UTRN: variants seen among roughly 807,000 people sequenced by gnomAD.
The protein encoded by UTRN is dystrophin-related protein 1.
Under a neutral mutation model 463.9 loss-of-function variants are expected in UTRN, and 283 were observed. The observed-to-expected ratio is 0.61, with a 90% CI of 0.55 to 0.67. UTRN has a LOEUF of 0.67. Ranked by LOEUF, UTRN falls within the 30% of genes least tolerant of loss-of-function variation. The pLI, the probability that UTRN is intolerant of heterozygous loss-of-function variation, is 0.00. For synonymous variants in UTRN, 1,442 were observed against 1,431.5 expected (o/e 1.01, Z -0.17); for missense variants, 3,922 against 4,084.3 (o/e 0.96, Z 1.08).
intron 65 of UTRN, among the ~76,000 whole-genome samples, chr6:144,816,725 C>T (rs1185553127): frequency 1.7e-5 from 2 of 121,210 alleles, no homozygotes; most frequent in African/African-American, 6.7e-5. Context: ...TCATGCCTAG[C>T]TTTTTTCCTT....
intron 3 of UTRN, among the ~76,000 whole-genome samples, chr6:144,408,296 C>A (rs986502601): frequency 6.6e-6 from 1 of 152,204 alleles, no homozygotes; most frequent in Non-Finnish European, 1.5e-5. Flanking sequence ...AATTTCAGAG[C>A]CTCTGGCTTG....
chr6:144,812,156 C>A (rs545529213), intron 65 of UTRN, among the ~76,000 whole-genome samples: 8 of 152,110 alleles, frequency 5.3e-5, no homozygotes, highest in African/African-American at 1.7e-4. Context: ...TGTTTTGTTT[C>A]TTTATTTGTG....
rs117840783 is a variant in UTRN at position 144,524,084 on chromosome 6, A to T, written c.5906+896A>T. Among the ~76,000 whole-genome samples the T allele has an allele frequency of 8.6e-3, 1,315 of 152,356 alleles. 12 individuals are homozygous for T. The highest frequency in any genetic ancestry group is 0.029 in the South Asian group (138 of 4,830). The stretch of plus-strand genomic sequence containing the variant: ...TAATACATTGGGTAACTTGAGAGAC[A>T]TACGCACAAAAACTAGGCATCATGT... On this transcript the variant is annotated intron_variant, in intron 41 of 74. Coordinates refer to ENST00000367545, the MANE Select transcript of UTRN (RefSeq NM_007124.3).
intron 2 of UTRN, among the ~76,000 whole-genome samples, chr6:144,395,814 G>A (rs1782355222): frequency 6.6e-6 from 1 of 152,040 alleles, no homozygotes; most frequent in African/African-American, 2.4e-5. Context: ...TTGTTAGGTA[G>A]TTTCTGTGTT....
intron 60 of UTRN, among the ~76,000 whole-genome samples, chr6:144,780,578 A>G (rs1056181439): frequency 6.6e-6 from 1 of 152,246 alleles, no homozygotes; most frequent in African/African-American, 2.4e-5. Context: ...ATAGATAGAT[A>G]CATGGTAGTT....
At chr6:144,574,456 A>G (rs963260670) in intron 50 of UTRN, among the ~76,000 whole-genome samples, 4 of 152,138 alleles carry the variant, frequency 2.6e-5, no homozygotes, top group Non-Finnish European at 5.9e-5. Flanking sequence ...CCCTGTACCA[A>G]ACTTTCTTTA....
At chr6:144,669,641 T>C (rs940237177) in intron 51 of UTRN, among the ~76,000 whole-genome samples, 1 of 152,156 alleles carries the variant, frequency 6.6e-6, no homozygotes, top group Non-Finnish European at 1.5e-5. Flanking sequence ...GTTACATCCA[T>C]AAATTCTTTA....
chr6:144,746,317 G>A (rs575987336), intron 54 of UTRN, among the ~76,000 whole-genome samples: 31 of 152,026 alleles, frequency 2.0e-4, no homozygotes, highest in African/African-American at 7.0e-4. Flanking sequence ...TATCTTAAAG[G>A]TATAAGGATT....
At position 144,781,109 on chromosome 6, in the gene UTRN, C is replaced by T. The variant is rs565488768; in HGVS notation, c.8633-813C>T. Among the ~76,000 whole-genome samples the T allele has an allele frequency of 2.4e-3, 364 of 152,322 alleles. 1 individual carries two copies. The highest frequency in any genetic ancestry group is 0.023 in the South Asian group (113 of 4,826). On this transcript the variant is annotated intron_variant, in intron 60 of 74. Transcript: ENST00000367545. The stretch of plus-strand genomic sequence containing the variant: ...GCCTTCACCTCCTGTGCACACCCTC[C>T]TGGCTCTAGCCCCAGCCATGCCTAC...
rs1786842619 is a variant in UTRN, at chr6:144,438,827, C to A, written c.1324C>A (p.Gln442Lys). The change falls in exon 12 of 75, where the codon CAG (glutamine) becomes AAG (lysine). Residue 442 changes from glutamine (Q) to lysine (K), a missense_variant. Physicochemically the swap from Gln to Lys is moderately conservative, Grantham distance 53. Coordinates refer to ENST00000367545, the MANE Select transcript of UTRN (RefSeq NM_007124.3). ...GTTAACACTCACAGAGGAGCGCATT[C>A]AGAAGATGGAAACTTGCCCCCTGGA... ...AWLTLTEERI[Q>K]KMETCPLDDD... 6.2e-7 allele frequency: 1 copy of A among 1,614,094 alleles called. No homozygotes were observed. The highest frequency in any genetic ancestry group is 1.6e-4 in the Middle Eastern group (1 of 6,084).
chr6:144,749,704 A>C (rs1159679664), intron 55 of UTRN, among the ~76,000 whole-genome samples: 1 of 152,224 alleles, frequency 6.6e-6, no homozygotes, highest in Non-Finnish European at 1.5e-5. Context: ...GACCATAAAA[A>C]GAAAAACAAA....
chr6:144,757,978 C>T lies in UTRN; in HGVS notation c.8484C>T (p.Pro2828=). The change falls in exon 58 of 75, where the codon CCC becomes CCT. Residue 2828 remains proline (P), a synonymous_variant. Transcript: ENST00000367545. The stretch of plus-strand genomic sequence containing the variant: ...GATCCATTTCACATAATAAAGTGCC[C>T]TATTACATCAAGTAAGTTGATTTTA... ...WQRSISHNKV[P]YYINHQTQTT... 6.2e-7 allele frequency: 1 copy of T among 1,609,866 alleles called. No homozygotes were observed. The highest frequency in any genetic ancestry group is 1.1e-5 in the South Asian group (1 of 90,436).
chr6:144,667,668 C>T (rs978261912), intron 51 of UTRN, among the ~76,000 whole-genome samples: 2 of 152,172 alleles, frequency 1.3e-5, no homozygotes, highest in African/African-American at 4.8e-5. Context: ...AAATGCACTT[C>T]AGGACACAAA....
intron 2 of UTRN, among the ~76,000 whole-genome samples, chr6:144,331,943 A>G (rs553778630): frequency 6.6e-6 from 1 of 152,312 alleles, no homozygotes; most frequent in South Asian, 2.1e-4. Flanking sequence ...TTTCAAATGT[A>G]TAATGCACCT....
intron 51 of UTRN, among the ~76,000 whole-genome samples, chr6:144,676,526 T>G (rs541777825): frequency 2.7e-4 from 41 of 151,600 alleles, no homozygotes; most frequent in African/African-American, 9.0e-4. Context: ...GTTAAAAGTT[T>G]GTTTTTTTTT....
At chr6:144,757,236 T>TAAA (rs375711274) in intron 57 of UTRN, among the ~76,000 whole-genome samples, 18,109 of 115,130 alleles carry the variant, frequency 0.16, 1,750 homozygotes, top group East Asian at 0.47. Context: ...ACTAGAATTG[T>TAAA]AAAAAAAAAA....
chr6:144,770,102 C>T (rs1324940398), intron 58 of UTRN, among the ~76,000 whole-genome samples: 1 of 152,188 alleles, frequency 6.6e-6, no homozygotes, highest in Non-Finnish European at 1.5e-5. Context: ...TTTGTCTCTG[C>T]ATTGGAGTCA....
chr6:144,694,219 G>T (rs1208924289), intron 52 of UTRN, among the ~76,000 whole-genome samples: 1 of 130,192 alleles, frequency 7.7e-6, no homozygotes, highest in Non-Finnish European at 1.7e-5. Flanking sequence ...AACCAACCTT[G>T]CATCCTAGGG....
At chr6:144,583,246 A>T (rs1802151594) in intron 51 of UTRN, 2 of 378,640 alleles carry the variant, frequency 5.3e-6, no homozygotes, top group Non-Finnish European at 9.4e-6. Context: ...GGGCTGAGCA[A>T]GTGCTGCCTG....
Sources: allele counts gnomAD v4.1 joint callset (sites outside exome capture counted in the v4.1 genomes callset), GRCh38; gene constraint gnomAD v4.1.1; transcripts MANE v1.5; gene names NCBI Gene and HGNC (gene_info 2026-07-23, HGNC 2026-07-21).